Variants in ASIC2 observed in about 807,000 individuals in gnomAD.
ASIC2 encodes acid-sensing ion channel 2.
In ASIC2, 25 loss-of-function variants were observed where a neutral mutation model predicts 57.3. That is an observed-to-expected ratio of 0.44 (90% CI 0.32 to 0.61). ASIC2 has a LOEUF of 0.61. Among genes scored for constraint, ASIC2 ranks in the 20% least tolerant of loss-of-function variants. The pLI, the probability that ASIC2 is intolerant of heterozygous loss-of-function variation, is 0.06. For synonymous variants in ASIC2, 319 were observed against 307.5 expected (o/e 1.04, Z -0.39); for missense variants, 641 against 738.1 (o/e 0.87, Z 1.52).
chr17:33,307,276 C>CCTTCTT (rs112981249), intron 1 of ASIC2, among the ~76,000 whole-genome samples: 3,808 of 147,650 alleles, frequency 0.026, 68 homozygotes, highest in African/African-American at 0.036. Flanking sequence ...TCCTCCTCTT[C>CCTTCTT]CTTCTTCTTC....
intron 1 of ASIC2, among the ~76,000 whole-genome samples, chr17:33,316,674 A>G (rs541446245): frequency 1.3e-5 from 2 of 152,300 alleles, no homozygotes; most frequent in African/African-American, 2.4e-5. Flanking sequence ...TATGTTACTG[A>G]TAACTATTTT....
At chr17:33,015,316 T>G (rs1029059475) in intron 9 of ASIC2, among the ~76,000 whole-genome samples, 1 of 152,024 alleles carries the variant, frequency 6.6e-6, no homozygotes, top group African/African-American at 2.4e-5. Flanking sequence ...AGACTGAGTT[T>G]TGGAAGCAGA....
intron 1 of ASIC2, among the ~76,000 whole-genome samples, chr17:33,241,345 C>T (rs1223941892): frequency 6.6e-6 from 1 of 152,208 alleles, no homozygotes; most frequent in Non-Finnish European, 1.5e-5. Flanking sequence ...TATTCCTTTG[C>T]TATTTCATTC....
In ASIC2 at chr17:33,684,350, T is replaced by G. The variant is rs117692010; in HGVS notation, c.555+471628A>C. ...GGAGGGGGGTGCTCTTCAGAGTGGCTCATTTTAGAGCTGACTACCCAAGTG... is the reference window on the plus strand; with the variant it reads ...GGAGGGGGGTGCTCTTCAGAGTGGCGCATTTTAGAGCTGACTACCCAAGTG... On this transcript the variant is annotated intron_variant, in intron 1 of 9. Transcript: ENST00000359872. Among the ~76,000 whole-genome samples the G allele has an allele frequency of 5.7e-3, 862 of 152,148 alleles. 9 individuals carry two copies. Among genetic ancestry groups the G allele is most frequent in the Non-Finnish European group, 7.2e-3 (492 of 68,010 alleles).
At chr17:33,389,334 C>A (rs1377170875) in intron 1 of ASIC2, among the ~76,000 whole-genome samples, 2 of 152,212 alleles carry the variant, frequency 1.3e-5, no homozygotes, top group Non-Finnish European at 2.9e-5. Context: ...TGACTGCAAC[C>A]AGTCACCTGA....
intron 1 of ASIC2, among the ~76,000 whole-genome samples, chr17:33,636,342 T>C (rs961033073): frequency 5.9e-5 from 9 of 152,216 alleles, no homozygotes; most frequent in Admixed American, 5.9e-4. Flanking sequence ...ATATTCTTGC[T>C]TCTCCTGTCC....
At chr17:33,343,949 A>G (rs1016277323) in intron 1 of ASIC2, among the ~76,000 whole-genome samples, 3 of 152,082 alleles carry the variant, frequency 2.0e-5, no homozygotes, top group Non-Finnish European at 4.4e-5. Context: ...AATATTCACC[A>G]TTTGTCAAGG....
At chr17:33,363,275 C>A (rs1343864123) in intron 1 of ASIC2, among the ~76,000 whole-genome samples, 1 of 152,144 alleles carries the variant, frequency 6.6e-6, no homozygotes, top group Non-Finnish European at 1.5e-5. Context: ...ACAGCCTGCA[C>A]CCAGCCTCTC....
At chr17:33,289,247 C>T (rs566651977) in intron 1 of ASIC2, among the ~76,000 whole-genome samples, 37 of 152,274 alleles carry the variant, frequency 2.4e-4, no homozygotes, top group Admixed American at 1.2e-3. Context: ...AACGCAGGGA[C>T]TCAGAGTACA....
chr17:34,077,153 G>A (rs1161791581), intron 1 of ASIC2, among the ~76,000 whole-genome samples: 7 of 152,162 alleles, frequency 4.6e-5, no homozygotes, highest in African/African-American at 1.7e-4. Flanking sequence ...CCTCTCTACC[G>A]GTATTACCCA....
At chr17:33,038,725 A>G (rs1451345043) in intron 3 of ASIC2, among the ~76,000 whole-genome samples, 1 of 152,208 alleles carries the variant, frequency 6.6e-6, no homozygotes, top group Admixed American at 6.5e-5. Flanking sequence ...AGCTTCTCTC[A>G]ACAGTCGCCT....
At chr17:34,084,402 A>G (rs1206714034) in intron 1 of ASIC2, among the ~76,000 whole-genome samples, 11 of 152,164 alleles carry the variant, frequency 7.2e-5, no homozygotes, top group Admixed American at 1.3e-4. Flanking sequence ...CCATTGATCT[A>G]TATCTCTGTT....
intron 1 of ASIC2, among the ~76,000 whole-genome samples, chr17:33,163,150 C>T (rs185588221): frequency 4.2e-4 from 64 of 152,214 alleles, no homozygotes; most frequent in Admixed American, 4.0e-3. Context: ...GGGGGAAAGC[C>T]CCAACTCTGC....
chr17:33,982,286 G>A (rs1408282639), intron 1 of ASIC2, among the ~76,000 whole-genome samples: 2 of 152,190 alleles, frequency 1.3e-5, no homozygotes, highest in South Asian at 2.1e-4. Context: ...CAAGAACATG[G>A]CGATCACCCT....
intron 1 of ASIC2, among the ~76,000 whole-genome samples, chr17:33,699,308 C>T (rs750876482): frequency 3.9e-5 from 6 of 152,154 alleles, no homozygotes; most frequent in Non-Finnish European, 4.4e-5. Flanking sequence ...CTGGCTCCTG[C>T]TGACACTGCT....
rs563695905 is a variant in ASIC2 at position 33,260,347 on chromosome 17, C to T, written c.708+31061G>A. Among the ~76,000 whole-genome samples, 9 of 152,302 alleles carry T rather than the reference C, an allele frequency of 5.9e-5. No homozygotes were observed. The South Asian group carries it at 1.7e-3, about 28-fold the overall frequency. ...GTGCCAGAAAGATGGCAACCAGACG[C>T]ATGCAGCTCACAGCAGAATCTGCGG... On this transcript the variant is annotated intron_variant, in intron 1 of 9. Transcript: ENST00000225823.
At chr17:33,287,589 C>T (rs1219905657) in intron 1 of ASIC2, among the ~76,000 whole-genome samples, 1 of 152,218 alleles carries the variant, frequency 6.6e-6, no homozygotes, top group Non-Finnish European at 1.5e-5. Flanking sequence ...CTTTATCTGA[C>T]TGCTGAGAGA....
intron 1 of ASIC2, among the ~76,000 whole-genome samples, chr17:33,268,079 A>G (rs1183768412): frequency 6.6e-6 from 1 of 152,178 alleles, no homozygotes; most frequent in Non-Finnish European, 1.5e-5. Flanking sequence ...GGTCCTGTGC[A>G]TGATAAATGC....
intron 1 of ASIC2, among the ~76,000 whole-genome samples, chr17:33,116,141 T>C (rs1431061934): frequency 6.6e-6 from 1 of 152,230 alleles, no homozygotes; most frequent in Non-Finnish European, 1.5e-5. Context: ...GCGGAGAGGC[T>C]CACGGAAAGC....
Sources: gnomAD v4.1 joint callset for allele counts (sites outside exome capture counted in the v4.1 genomes callset) on GRCh38, gnomAD v4.1.1 for gene constraint, MANE v1.5 for transcripts, NCBI Gene and HGNC (gene_info 2026-07-23, HGNC 2026-07-21) for gene names.